TSNARE1: variants seen among roughly 807,000 people sequenced by gnomAD.
TSNARE1 encodes the protein t-SNARE domain containing 1.
A neutral mutation model predicts 62.0 loss-of-function variants in TSNARE1; 49 were observed. That is an observed-to-expected ratio of 0.79 (90% confidence interval 0.63 to 1.00). The LOEUF is 1.00. Among genes scored for constraint, TSNARE1 ranks in the 50% least tolerant of loss-of-function variants. TSNARE1 has a pLI of 0.00. For synonymous variants in TSNARE1, 328 were observed against 294.4 expected (o/e 1.11, Z -1.17); for missense variants, 755 against 700.1 (o/e 1.08, Z -0.88).
At chr8:142,246,320 G>A (rs776019468) in intron 12 of TSNARE1, among the ~76,000 whole-genome samples, 7 of 152,266 alleles carry the variant, frequency 4.6e-5, no homozygotes, top group East Asian at 1.9e-4. Context: ...GGTGGGCCAG[G>A]TCCCCTCTTC....
chr8:142,309,442 G>C (rs917128022), intron 9 of TSNARE1, among the ~76,000 whole-genome samples: 3 of 152,164 alleles, frequency 2.0e-5, no homozygotes, highest in South Asian at 2.1e-4. Flanking sequence ...TCTATTCCTA[G>C]TTTGCCAAGA....
chr8:142,275,032 T>TGTGGGCA (rs1481539528), intron 11 of TSNARE1, 169 bp from the exon 12 acceptor site: 19 of 985,098 alleles, frequency 1.9e-5, no homozygotes, highest in Non-Finnish European at 2.2e-5. Context: ...CTCCGCGTGG[T>TGTGGGCA]GTGGGCAGTG....
intron 11 of TSNARE1, among the ~76,000 whole-genome samples, chr8:142,281,209 T>C (rs1411852675): frequency 1.4e-5 from 2 of 142,198 alleles, no homozygotes; most frequent in Non-Finnish European, 3.0e-5. Context: ...AGCTGAGCGC[T>C]TTAACCAAAG....
intron 11 of TSNARE1, among the ~76,000 whole-genome samples, chr8:142,280,958 C>T (rs1020481422): frequency 6.6e-6 from 1 of 152,186 alleles, no homozygotes; most frequent in Non-Finnish European, 1.5e-5. Flanking sequence ...CGGCCTGGCC[C>T]AGCCCCGCCC....
intron 12 of TSNARE1, among the ~76,000 whole-genome samples, chr8:142,264,577 T>A (rs1270144510): frequency 6.6e-6 from 1 of 152,246 alleles, no homozygotes; most frequent in Non-Finnish European, 1.5e-5. Context: ...ACTTTTGCTT[T>A]ATGTATTTTA....
intron 6 of TSNARE1, among the ~76,000 whole-genome samples, chr8:142,324,037 G>C (rs1829861260): frequency 6.6e-6 from 1 of 152,214 alleles, no homozygotes; most frequent in Admixed American, 6.5e-5. Flanking sequence ...GAGAAGGCTG[G>C]AAACGCTAGC....
At chr8:142,361,604 A>G (rs919554351) in intron 1 of TSNARE1, among the ~76,000 whole-genome samples, 2 of 152,200 alleles carry the variant, frequency 1.3e-5, no homozygotes, top group Admixed American at 1.3e-4. Flanking sequence ...GGCTTTCTGC[A>G]GCCCCCAGCC....
rs761454204 is a variant in TSNARE1 at position 142,315,114 on chromosome 8, C to A, written c.985-22G>T. On this transcript the variant is annotated intron_variant, in intron 7 of 13. Transcript: ENST00000524325. ...CCTGCTGCAGAGAAGGTACAGCTGG[C>A]ACGGCATGGGAGGCTTGGCCCTGCC... is the stretch of plus-strand genomic sequence containing the variant. 3 of 1,613,338 alleles carry A rather than the reference C, an allele frequency of 1.9e-6. No individual in the cohort carries two copies. The African/African-American group carries it at 4.0e-5, about 22-fold the overall frequency.
chr8:142,254,115 C>T lies in TSNARE1; in HGVS notation c.1446+20666G>A, dbSNP rs146058455. On this transcript the variant is annotated intron_variant, in intron 12 of 13. Coordinates refer to ENST00000524325, the MANE Select transcript of TSNARE1 (RefSeq NM_145003.5). ...CTTCTTGGCAGAAGGCACCAGACAG[C>T]CGTGGGCTCTGGCCCCGGGAGCCCG... Among the ~76,000 whole-genome samples the T allele has an allele frequency of 6.5e-3, 989 of 152,370 alleles. 6 individuals are homozygous for T. Among genetic ancestry groups the T allele is most frequent in the Admixed American group, 1.0e-2 (153 of 15,310 alleles).
At chr8:142,371,393 G>A (rs1465393385) in intron 1 of TSNARE1, among the ~76,000 whole-genome samples, 1 of 152,228 alleles carries the variant, frequency 6.6e-6, no homozygotes, top group Non-Finnish European at 1.5e-5. Context: ...CAGGGGGCAG[G>A]AGAAAACATC....
intron 12 of TSNARE1, among the ~76,000 whole-genome samples, chr8:142,241,131 C>T (rs1817653135): frequency 6.6e-6 from 1 of 152,202 alleles, no homozygotes; most frequent in South Asian, 2.1e-4. Context: ...CCAAGGACTC[C>T]ACACAAAACC....
chr8:142,275,824 AC>A, intron 11 of TSNARE1: 18 of 907,012 alleles, frequency 2.0e-5, no homozygotes, highest in Non-Finnish European at 2.4e-5. Context: ...GGCCATTACA[AC>A]CACAGGGACT....
chr8:142,331,833 T>C lies in TSNARE1; in HGVS notation c.746-2A>G. 1 of 1,607,024 alleles carries C rather than the reference T, an allele frequency of 6.2e-7. No individual in the cohort carries two copies. The highest frequency in any genetic ancestry group is 1.7e-5 in the Admixed American group (1 of 59,204). On this transcript the variant is annotated splice_acceptor_variant, in intron 4 of 13. Transcript: ENST00000524325. LOFTEE classifies it high-confidence loss of function. ...GGTTGCACGGATCGACCTGGGTGGC[T>C]GGGAGAAGACAGGGAGGAGGAAAGA...
At chr8:142,339,837 C>G (rs1003566836) in intron 4 of TSNARE1, among the ~76,000 whole-genome samples, 3 of 152,252 alleles carry the variant, frequency 2.0e-5, no homozygotes, top group Admixed American at 6.5e-5. Context: ...GCGGCCCTGC[C>G]GTACAGCGCC....
At chr8:142,212,502 G>C (rs768226234) in intron 13 of TSNARE1, among the ~76,000 whole-genome samples, 189 bp from the exon 14 acceptor site, 1 of 151,964 alleles carries the variant, frequency 6.6e-6, no homozygotes, top group Non-Finnish European at 1.5e-5. Context: ...TCCTGGCCCT[G>C]GTCAGGCTCC....
At chr8:142,312,462 A>C (rs1263885671) in intron 9 of TSNARE1, among the ~76,000 whole-genome samples, 2 of 152,104 alleles carry the variant, frequency 1.3e-5, no homozygotes. Context: ...TCCAGGCTAT[A>C]CTTTAGGTTT....
rs142998613 is a variant in TSNARE1 at position 142,232,167 on chromosome 8, T to C, written c.1447-2588A>G. Among the ~76,000 whole-genome samples the C allele has an allele frequency of 1.0e-3, 156 of 152,356 alleles. 2 individuals carry two copies. The East Asian group carries it at 0.029, about 28-fold the overall frequency. ...TGACTTGGGGTGCCATGCCCTGGTCTGCAGGCCGAGGTGCATGCTGGAGGA... is the reference window on the plus strand; with the variant it reads ...TGACTTGGGGTGCCATGCCCTGGTCCGCAGGCCGAGGTGCATGCTGGAGGA... On this transcript the variant is annotated intron_variant, in intron 12 of 13. Coordinates refer to ENST00000524325, the MANE Select transcript of TSNARE1 (RefSeq NM_145003.5).
intron 12 of TSNARE1, among the ~76,000 whole-genome samples, chr8:142,252,904 T>A (rs1017130186): frequency 6.6e-6 from 1 of 151,850 alleles, no homozygotes; most frequent in African/African-American, 2.4e-5. Flanking sequence ...GTGGGGCAGG[T>A]ATGAGGCTTG....
At chr8:142,361,357 G>A (rs1036652636) in intron 1 of TSNARE1, among the ~76,000 whole-genome samples, 6 of 152,236 alleles carry the variant, frequency 3.9e-5, no homozygotes, top group African/African-American at 7.2e-5. Context: ...CAGAGGCCCC[G>A]ACAACTTGGG....
Sources: allele counts gnomAD v4.1 joint callset (sites outside exome capture counted in the v4.1 genomes callset), GRCh38; gene constraint gnomAD v4.1.1; transcripts MANE v1.5; gene names NCBI Gene and HGNC (gene_info 2026-07-23, HGNC 2026-07-21).